Variants in ALLC observed in about 807,000 individuals in gnomAD.
ALLC encodes the protein allantoicase, also known as probable inactive allantoicase.
ALLC carries 40 observed loss-of-function variants against 45.0 expected under a neutral mutation model. The observed-to-expected ratio is 0.89, with a 90% CI of 0.69 to 1.16. The LOEUF is 1.16. Among genes scored for constraint, ALLC ranks in the 50% most tolerant of loss-of-function variants. ALLC has a pLI of 0.00. For missense variants in ALLC, 488 were observed against 493.1 expected, an observed-to-expected ratio of 0.99 and a Z score of 0.10; for synonymous variants, 176 against 178.1, an observed-to-expected ratio of 0.99 and a Z score of 0.09.
In ALLC at chr2:3,695,292, C is replaced by T. The variant is rs569662798; in HGVS notation, c.512-425C>T. 11 of 203,226 alleles carry T rather than the reference C, an allele frequency of 5.4e-5. No individual in the cohort carries two copies. The East Asian group carries it at 8.4e-4, about 16-fold the overall frequency. The allele number at this position is 203,226 out of a possible 1,614,324, so 12.6% of individuals were successfully genotyped here. ...TAAGTGGTCTGGCCTACAAGGATTT[C>T]GCATTCTGGGTATTGGAGACTGATT... On this transcript the variant is annotated intron_variant, in intron 7 of 11. Coordinates refer to ENST00000252505, the MANE Select transcript of ALLC (RefSeq NM_018436.4).
chr2:3,649,225 A>C, the ALLC span, among the ~76,000 whole-genome samples: 1 of 152,076 alleles, frequency 6.6e-6, no homozygotes, highest in Non-Finnish European at 1.5e-5. Context: ...AGACTTCGAA[A>C]AAAGACCCCA....
the ALLC span, among the ~76,000 whole-genome samples, chr2:3,651,418 TGTGTGTGTGTGTGTGTGTGTGTGTTAGG>T: frequency 8.0e-3 from 436 of 54,230 alleles, 3 homozygotes; most frequent in South Asian, 0.013. Flanking sequence ...TGTGTGTGTG[TGTGTGTGTGTGTGTGTGTGTGTGTTAGG>T]AAGGGAGACG....
At chr2:3,674,550 C>T (rs59668635) in intron 3 of ALLC, among the ~76,000 whole-genome samples, 15,583 of 152,254 alleles carry the variant, frequency 0.1, 943 homozygotes, top group African/African-American at 0.18. Context: ...TGCTGGCGTC[C>T]TGCTCCTCCG....
intron 7 of ALLC, among the ~76,000 whole-genome samples, chr2:3,690,848 G>A (rs562644839): frequency 6.6e-6 from 1 of 152,104 alleles, no homozygotes; most frequent in South Asian, 2.1e-4. Context: ...AGTTATGAGT[G>A]AATTACACAC....
chr2:3,647,488 TACTC>T, the ALLC span, among the ~76,000 whole-genome samples: 1 of 151,212 alleles, frequency 6.6e-6, no homozygotes, highest in African/African-American at 2.4e-5. Flanking sequence ...CGCTGGGGGT[TACTC>T]ACCCATCCTC....
At chr2:3,698,088 C>A (rs1030804077) in intron 10 of ALLC, among the ~76,000 whole-genome samples, 3 of 152,070 alleles carry the variant, frequency 2.0e-5, no homozygotes, top group Non-Finnish European at 2.9e-5. Context: ...CCTCTGCCTC[C>A]TGAGTAGCTG....
chr2:3,653,571 C>G (rs1406588099), upstream of ALLC, among the ~76,000 whole-genome samples: 2 of 152,132 alleles, frequency 1.3e-5, no homozygotes, highest in Non-Finnish European at 2.9e-5. This position sits in a 1 kb window ranked among gnomAD's most constrained non-coding sequence, Gnocchi z 4.1. Context: ...TAAAAAATTC[C>G]ATCACAGTTT....
In ALLC at chr2:3,697,637, A is replaced by G. The variant is rs146178455; in HGVS notation, c.850+181A>G. 8.1e-3 allele frequency among the ~76,000 whole-genome samples: 1,188 copies of G among 147,026 alleles called. 12 individuals carry two copies. Among genetic ancestry groups the G allele is most frequent in the African/African-American group, 0.031 (1,155 of 37,140 alleles). On this transcript the variant is annotated intron_variant, in intron 10 of 11. Transcript: ENST00000252505. ...TGTCTGTCTGTCTATCTATCTATCT[A>G]TCTATCTATCTATCTATCTATCTAT...
At chr2:3,681,555 C>T (rs1667178905) in intron 5 of ALLC, 79 bp from the exon 6 acceptor site, 3 of 985,824 alleles carry the variant, frequency 3.0e-6, no homozygotes, top group Admixed American at 2.6e-5. Context: ...GCGAGAATTA[C>T]CATACAAACC....
intron 7 of ALLC, among the ~76,000 whole-genome samples, chr2:3,684,570 C>CA (rs899929055): frequency 9.2e-4 from 140 of 152,100 alleles, no homozygotes; most frequent in African/African-American, 3.3e-3. Context: ...CCTCACCCCC[C>CA]ACCCTTCCCC....
chr2:3,668,732 C>T (rs574034897), intron 1 of ALLC, among the ~76,000 whole-genome samples: 13 of 151,750 alleles, frequency 8.6e-5, no homozygotes, highest in East Asian at 3.9e-4. Flanking sequence ...CCTGCCACCA[C>T]GCCTGGCTGA....
chr2:3,657,034 G>A (rs529630669), upstream of ALLC, among the ~76,000 whole-genome samples: 8 of 152,318 alleles, frequency 5.3e-5, no homozygotes, highest in East Asian at 1.9e-4. Flanking sequence ...TGCCAGGGAC[G>A]AAGCCACGTG....
Position 3,668,566 on chromosome 2 carries a change from C to CTTTTTT in ALLC, c.-62-2508_-62-2503dup, listed in dbSNP as rs1173613810. 4.6e-3 allele frequency among the ~76,000 whole-genome samples: 329 copies of CTTTTTT among 71,890 alleles called. 61 individuals are homozygous for CTTTTTT. The highest frequency in any genetic ancestry group is 0.014 in the African/African-American group (185 of 13,672). The allele number at this position is 71,890 out of a possible 152,430, so 47.2% of individuals were successfully genotyped here. ...TGTGTAATATGCATAATGTGTATGA[C>CTTTTTT]TTTTTTTTTTTTTTTTTTTTTTTTT... On this transcript the variant is annotated intron_variant, in intron 1 of 11. Transcript: ENST00000252505.
chr2:3,681,222 G>A (rs183252626), intron 5 of ALLC, among the ~76,000 whole-genome samples: 398 of 152,238 alleles, frequency 2.6e-3, no homozygotes, highest in Non-Finnish European at 3.8e-3. Context: ...GATTGTTTCG[G>A]CAAGCCCCTC....
chr2:3,649,461 TC>T, the ALLC span, among the ~76,000 whole-genome samples: 5 of 152,214 alleles, frequency 3.3e-5, no homozygotes, highest in African/African-American at 1.2e-4. Context: ...CAGGATGGTC[TC>T]GATCTCCTGA....
At chr2:3,664,621 T>C (rs940438570) in intron 1 of ALLC, among the ~76,000 whole-genome samples, 2 of 152,170 alleles carry the variant, frequency 1.3e-5, no homozygotes, top group Non-Finnish European at 2.9e-5. Flanking sequence ...TTGTGACTCA[T>C]GCCTGTAATC....
upstream of ALLC, among the ~76,000 whole-genome samples, chr2:3,653,334 T>G (rs1666378996): frequency 6.6e-6 from 1 of 152,152 alleles, no homozygotes; most frequent in Admixed American, 6.5e-5. This position sits in a 1 kb window ranked among gnomAD's most constrained non-coding sequence, Gnocchi z 4.1. Context: ...AGTTTGCCAC[T>G]TGTGTGAAGG....
chr2:3,649,464 A>C, the ALLC span, among the ~76,000 whole-genome samples: 1 of 152,094 alleles, frequency 6.6e-6, no homozygotes, highest in Non-Finnish European at 1.5e-5. Flanking sequence ...GATGGTCTCG[A>C]TCTCCTGACC....
rs1409789649 is a variant in ALLC at position 3,669,880 on chromosome 2, C to T, written c.-62-1216C>T. On this transcript the variant is annotated intron_variant, in intron 1 of 11. Transcript: ENST00000252505. ...CTGTCGGCTTTGAGATTTGATTCAA[C>T]GTCCAAGGGGAGATGTTTTGAGTTG... Among the ~76,000 whole-genome samples, 3 of 152,140 alleles carry T rather than the reference C, an allele frequency of 2.0e-5. 1 individual carries two copies. The highest frequency in any genetic ancestry group is 1.3e-4 in the Admixed American group (2 of 15,264).
Sources: allele counts gnomAD v4.1 joint callset (sites outside exome capture counted in the v4.1 genomes callset), GRCh38; gene constraint gnomAD v4.1.1; non-coding constraint Gnocchi (gnomAD v3.1); transcripts MANE v1.5; gene names NCBI Gene and HGNC (gene_info 2026-07-23, HGNC 2026-07-21).